Variants in MLLT3 observed in about 807,000 individuals in gnomAD.
The protein encoded by MLLT3 is protein AF-9.
MLLT3 carries 4 observed loss-of-function variants against 53.2 expected under a neutral mutation model. The ratio of observed to expected loss-of-function variants is 0.08; its 90% CI spans 0.04 to 0.17. The LOEUF is 0.17. Ranked by LOEUF, MLLT3 falls within the 10% of genes least tolerant of loss-of-function variation. The pLI, the probability that MLLT3 is intolerant of heterozygous loss-of-function variation, is 1.00. For synonymous variants in MLLT3, 283 were observed against 230.6 expected (o/e 1.23, Z -2.06); for missense variants, 569 against 684.0 (o/e 0.83, Z 1.87).
chr9:20,612,886 CT>C (rs755512314), intron 2 of MLLT3, among the ~76,000 whole-genome samples: 21 of 152,128 alleles, frequency 1.4e-4, no homozygotes, highest in Non-Finnish European at 2.6e-4. Context: ...CTGACAGCAG[CT>C]AGTACAAATG....
intron 5 of MLLT3, among the ~76,000 whole-genome samples, chr9:20,371,437 C>G (rs566475145): frequency 6.6e-6 from 1 of 152,204 alleles, no homozygotes; most frequent in East Asian, 1.9e-4. Flanking sequence ...TTTTTAGAGG[C>G]TAATGCAACT....
chr9:20,493,586 C>A (rs1825007112), intron 2 of MLLT3, among the ~76,000 whole-genome samples: 1 of 151,926 alleles, frequency 6.6e-6, no homozygotes, highest in Admixed American at 6.6e-5. Flanking sequence ...TATTATTTGT[C>A]ATAGGAAGAT....
intron 5 of MLLT3, among the ~76,000 whole-genome samples, chr9:20,390,165 G>T (rs1822147670): frequency 6.6e-6 from 1 of 152,152 alleles, no homozygotes; most frequent in Non-Finnish European, 1.5e-5. Flanking sequence ...AGATTTGATA[G>T]TGTTACATTA....
At chr9:20,560,978 T>C (rs1165145924) in intron 2 of MLLT3, among the ~76,000 whole-genome samples, 2 of 152,192 alleles carry the variant, frequency 1.3e-5, no homozygotes, top group African/African-American at 2.4e-5. Context: ...CACTATCAAA[T>C]GTTATATCTA....
At chr9:20,536,482 C>T (rs778543908) in intron 2 of MLLT3, among the ~76,000 whole-genome samples, 6 of 152,222 alleles carry the variant, frequency 3.9e-5, no homozygotes, top group East Asian at 3.9e-4. Context: ...ATACTGAGCA[C>T]GCCATAAAAA....
At chr9:20,514,136 A>G (rs535270992) in intron 2 of MLLT3, among the ~76,000 whole-genome samples, 1 of 152,242 alleles carries the variant, frequency 6.6e-6, no homozygotes, top group Non-Finnish European at 1.5e-5. Flanking sequence ...GTAGTAACTC[A>G]TTCCGGATTT....
intron 5 of MLLT3, among the ~76,000 whole-genome samples, chr9:20,406,472 T>C (rs1822580124): frequency 6.6e-6 from 1 of 152,068 alleles, no homozygotes; most frequent in Non-Finnish European, 1.5e-5. Context: ...TAGAAGAAAA[T>C]GTTTTTAATA....
chr9:20,538,814 T>G lies in MLLT3; in HGVS notation c.193+81840A>C, dbSNP rs921543057. Among the ~76,000 whole-genome samples, 10 of 152,330 alleles carry G rather than the reference T, an allele frequency of 6.6e-5. No individual in the cohort carries two copies. The East Asian group carries it at 1.7e-3, about 26-fold the overall frequency. On this transcript the variant is annotated intron_variant, in intron 2 of 10. Coordinates refer to ENST00000380338, the MANE Select transcript of MLLT3 (RefSeq NM_004529.4). ...GAGATATTGTGGATTCAGTTCCAGATCACCACAACAAAGCAAATATCACAA... is the reference window on the plus strand; with the variant it reads ...GAGATATTGTGGATTCAGTTCCAGAGCACCACAACAAAGCAAATATCACAA...
intron 2 of MLLT3, among the ~76,000 whole-genome samples, chr9:20,579,250 G>A (rs1344091110): frequency 6.6e-6 from 1 of 151,896 alleles, no homozygotes; most frequent in Admixed American, 6.6e-5. Flanking sequence ...GTATGCTTGT[G>A]GTCCCAGCTA....
At chr9:20,538,890 G>C (rs1346962512) in intron 2 of MLLT3, among the ~76,000 whole-genome samples, 1 of 152,098 alleles carries the variant, frequency 6.6e-6, no homozygotes, top group Non-Finnish European at 1.5e-5. Context: ...TAAAAGTTAT[G>C]TTTATACTAT....
At chr9:20,613,254 G>A (rs1372236689) in intron 2 of MLLT3, among the ~76,000 whole-genome samples, 9 of 152,068 alleles carry the variant, frequency 5.9e-5, no homozygotes, top group South Asian at 2.1e-4. Flanking sequence ...AAAAACCACA[G>A]ACTTGCACAC....
chr9:20,514,152 G>A (rs1458016531), intron 2 of MLLT3, among the ~76,000 whole-genome samples: 1 of 152,202 alleles, frequency 6.6e-6, no homozygotes, highest in Non-Finnish European at 1.5e-5. Flanking sequence ...GATTTTCCTT[G>A]CAGTATGGAA....
At chr9:20,421,565 G>A (rs1440594106) in intron 4 of MLLT3, among the ~76,000 whole-genome samples, 1 of 152,102 alleles carries the variant, frequency 6.6e-6, no homozygotes, top group Non-Finnish European at 1.5e-5. Flanking sequence ...ACCAACATCA[G>A]TGCTTTAATT....
At chr9:20,411,892 A>G (rs530329804) in intron 5 of MLLT3, 2 of 152,340 alleles carry the variant, frequency 1.3e-5, no homozygotes, top group East Asian at 3.9e-4. Context: ...TGGTCTTCTC[A>G]TAAATCGGCA....
intron 2 of MLLT3, among the ~76,000 whole-genome samples, chr9:20,562,642 T>C (rs1397145000): frequency 6.6e-6 from 1 of 152,152 alleles, no homozygotes; most frequent in African/African-American, 2.4e-5. Flanking sequence ...GAAGAATCAT[T>C]TCCCAGATAC....
At chr9:20,526,000 G>T (rs1396109833) in intron 2 of MLLT3, among the ~76,000 whole-genome samples, 2 of 152,168 alleles carry the variant, frequency 1.3e-5, no homozygotes, top group South Asian at 4.1e-4. Context: ...AGAAAGGGTG[G>T]TGGGAAGCAT....
chr9:20,620,543 A>C lies in MLLT3; in HGVS notation c.193+111T>G, dbSNP rs1259016005. On this transcript the variant is annotated intron_variant, in intron 2 of 10. Coordinates refer to ENST00000380338, the MANE Select transcript of MLLT3 (RefSeq NM_004529.4). The surrounding 1 kb of genome is among the most constrained non-coding windows in gnomAD (Gnocchi z 6.1). ...CGCCGCGCACCCGGATCCCGAGGCT[A>C]CGCCGGCGAGCGCGGCGCGGGGGGC... The C allele has an allele frequency of 9.6e-6, 9 of 940,378 alleles. No individual in the cohort carries two copies. The highest frequency in any genetic ancestry group is 3.8e-5 in the East Asian group (1 of 26,410). 58.3% of individuals were successfully genotyped at this position (940,378 alleles called of 1,614,324 possible). A position where few individuals can be genotyped will look rare whatever the true frequency, so the allele number is the denominator to read the frequency against.
intron 2 of MLLT3, among the ~76,000 whole-genome samples, chr9:20,520,444 C>A (rs1456652502): frequency 1.3e-5 from 2 of 152,078 alleles, no homozygotes; most frequent in Non-Finnish European, 2.9e-5. Flanking sequence ...AATGAAAAAG[C>A]ACTTATTTCG....
At chr9:20,492,059 GA>G (rs1246100062) in intron 2 of MLLT3, among the ~76,000 whole-genome samples, 2 of 151,612 alleles carry the variant, frequency 1.3e-5, no homozygotes, top group Non-Finnish European at 2.9e-5. Flanking sequence ...AACCTATTTA[GA>G]AAAAAAGAGA....
Sources: allele counts gnomAD v4.1 joint callset (sites outside exome capture counted in the v4.1 genomes callset), GRCh38; gene constraint gnomAD v4.1.1; non-coding constraint Gnocchi (gnomAD v3.1); transcripts MANE v1.5; gene names NCBI Gene and HGNC (gene_info 2026-07-23, HGNC 2026-07-21).